The following AKR1C8 variants were observed in gnomAD, a reference collection of about 807,000 sequenced individuals.
AKR1C8 encodes aldo-keto reductase family 1 member C8.
the AKR1C8 span, among the ~76,000 whole-genome samples, chr10:5,134,717 C>A: frequency 3.9e-5 from 6 of 152,162 alleles, 1 homozygote; most frequent in African/African-American, 1.4e-4. Context: ...CACCCCGTCT[C>A]CAGACACTGT....
the AKR1C8 span, chr10:5,157,926 C>T: frequency 2.3e-5 from 8 of 344,568 alleles, no homozygotes; most frequent in South Asian, 9.3e-5. Context: ...TGATTTAAAA[C>T]GGTCTGATAA....
the AKR1C8 span, among the ~76,000 whole-genome samples, chr10:5,118,976 C>G: frequency 5.9e-5 from 9 of 152,076 alleles, no homozygotes; most frequent in Non-Finnish European, 1.2e-4. Context: ...GAAGTCAGTG[C>G]CCCCTACTTA....
At chr10:5,173,340 C>A in the AKR1C8 span, among the ~76,000 whole-genome samples, 1 of 152,046 alleles carries the variant, frequency 6.6e-6, no homozygotes, top group African/African-American at 2.4e-5. Context: ...ATGCCTTTAA[C>A]CCCAGTCACT....
At chr10:5,118,341 AC>A in the AKR1C8 span, among the ~76,000 whole-genome samples, 59,138 of 151,560 alleles carry the variant, frequency 0.39, 12,304 homozygotes, top group Non-Finnish European at 0.43. Context: ...TATGTCTTGT[AC>A]AACCTATGTG....
the AKR1C8 span, among the ~76,000 whole-genome samples, chr10:5,169,890 T>C: frequency 3.9e-5 from 6 of 152,276 alleles, no homozygotes; most frequent in African/African-American, 1.4e-4. Context: ...ACTTACTTTT[T>C]ATCATTTTCA....
At chr10:5,118,318 T>C in the AKR1C8 span, among the ~76,000 whole-genome samples, 2 of 112,922 alleles carry the variant, frequency 1.8e-5, no homozygotes, top group Admixed American at 8.3e-5. Flanking sequence ...TTCAAGGTAA[T>C]TTCTGTTGAC....
the AKR1C8 span, chr10:5,155,258 C>A: frequency 6.6e-6 from 1 of 152,080 alleles, no homozygotes; most frequent in African/African-American, 2.4e-5. Flanking sequence ...AAAGATAGAG[C>A]TGGATGGAGT....
At chr10:5,126,576 C>A in the AKR1C8 span, among the ~76,000 whole-genome samples, 11 of 152,184 alleles carry the variant, frequency 7.2e-5, no homozygotes, top group East Asian at 3.9e-4. Flanking sequence ...TCCAGAGATA[C>A]CACCTCTACT....
At chr10:5,133,858 C>T in the AKR1C8 span, among the ~76,000 whole-genome samples, 16 of 151,860 alleles carry the variant, frequency 1.1e-4, no homozygotes, top group African/African-American at 2.2e-4. Flanking sequence ...GTAAATATGA[C>T]GAGTAAAGAC....
At chr10:5,179,171 C>T in the AKR1C8 span, among the ~76,000 whole-genome samples, 4 of 151,998 alleles carry the variant, frequency 2.6e-5, no homozygotes, top group African/African-American at 9.7e-5. Flanking sequence ...TAGGGCAGGC[C>T]TGGTGGTGAC....
the AKR1C8 span, among the ~76,000 whole-genome samples, chr10:5,119,378 T>C: frequency 6.6e-6 from 1 of 152,170 alleles, no homozygotes; most frequent in Non-Finnish European, 1.5e-5. Context: ...ACTTCTGTTA[T>C]ATATAAAAGT....
chr10:5,149,774 C>G, the AKR1C8 span, among the ~76,000 whole-genome samples: 14 of 151,684 alleles, frequency 9.2e-5, no homozygotes, highest in Non-Finnish European at 1.9e-4. Context: ...CAAAAACAAA[C>G]ACATTCTTAT....
the AKR1C8 span, among the ~76,000 whole-genome samples, chr10:5,119,653 G>A: frequency 1.8e-4 from 28 of 151,994 alleles, no homozygotes; most frequent in Admixed American, 1.0e-3. Flanking sequence ...AAAGGCAGGC[G>A]AACAGAAACT....
chr10:5,146,575 C>G, the AKR1C8 span, among the ~76,000 whole-genome samples: 1 of 152,000 alleles, frequency 6.6e-6, no homozygotes, highest in Non-Finnish European at 1.5e-5. Context: ...ATAAACTATC[C>G]ACATTACCAT....
chr10:5,152,595 G>A, the AKR1C8 span, among the ~76,000 whole-genome samples: 9 of 152,146 alleles, frequency 5.9e-5, no homozygotes, highest in East Asian at 1.2e-3. Flanking sequence ...ATTTTTCTCC[G>A]TGGAAATGCT....
the AKR1C8 span, among the ~76,000 whole-genome samples, chr10:5,120,674 G>C: frequency 4.6e-5 from 7 of 152,198 alleles, no homozygotes; most frequent in African/African-American, 1.7e-4. Flanking sequence ...GTATGTAAAA[G>C]TCACTTCCCA....
chr10:5,159,035 A>C, the AKR1C8 span, among the ~76,000 whole-genome samples: 1 of 152,170 alleles, frequency 6.6e-6, no homozygotes, highest in Non-Finnish European at 1.5e-5. Flanking sequence ...TGAGTGTGAA[A>C]GTTTCCATTT....
chr10:5,127,628 A>C, the AKR1C8 span, among the ~76,000 whole-genome samples: 1 of 149,900 alleles, frequency 6.7e-6, no homozygotes, highest in Admixed American at 6.7e-5. Context: ...CTGAGTCAGG[A>C]GAATCGCTTT....
chr10:5,149,913 A>G, the AKR1C8 span, among the ~76,000 whole-genome samples: 5 of 152,322 alleles, frequency 3.3e-5, no homozygotes, highest in African/African-American at 9.6e-5. Context: ...TCAAAAAAGA[A>G]TATTTTACTC....
Sources: allele counts gnomAD v4.1 joint callset (sites outside exome capture counted in the v4.1 genomes callset), GRCh38; gene constraint gnomAD v4.1.1; transcripts MANE v1.5; gene names NCBI Gene and HGNC (gene_info 2026-07-23, HGNC 2026-07-21).